The following KL variants were observed in gnomAD, a reference collection of about 807,000 sequenced individuals.
KL encodes the protein alpha-klotho.
A neutral mutation model predicts 84.2 loss-of-function variants in KL; 62 were observed. That is an observed-to-expected ratio of 0.74 (90% CI 0.60 to 0.91). The LOEUF is 0.91. KL is among the 40% of genes least tolerant of loss of function. The pLI is 0.00. For synonymous variants in KL, 528 were observed against 528.0 expected (o/e 1.00, Z 0.00); for missense variants, 1,261 against 1,305.7 (o/e 0.97, Z 0.53).
At position 33,055,080 on chromosome 13, in the gene KL, A is replaced by G. The variant is rs776038884; in HGVS notation, c.1364A>G (p.Tyr455Cys). The change falls in exon 3 of 5, where the codon TAT becomes TGT. Residue 455 changes from tyrosine to cysteine, a missense_variant. Tyr to Cys is a radical substitution (Grantham distance 194). Coordinates refer to ENST00000380099, the MANE Select transcript of KL (RefSeq NM_004795.4). The part of the protein sequence containing the change: ...IKLDGVDVIG[Y>C]TAWSLMDGFE... The stretch of plus-strand genomic sequence containing the variant: ...CTGGATGGGGTGGATGTCATCGGGT[A>G]TACCGCATGGTCCCTCATGGATGGT... 3.7e-6 allele frequency: 6 copies of G among 1,614,100 alleles called. No individual in the cohort carries two copies. The African/African-American group carries it at 8.0e-5, about 22-fold the overall frequency.
intron 1 of KL, among the ~76,000 whole-genome samples, chr13:33,023,177 G>A (rs1870637287): frequency 6.6e-6 from 1 of 152,162 alleles, no homozygotes; most frequent in Admixed American, 6.5e-5. Flanking sequence ...GAGGAGCCGG[G>A]TGCTCAGTGA....
chr13:33,051,177 A>G (rs1177151418), intron 1 of KL, among the ~76,000 whole-genome samples: 1 of 152,184 alleles, frequency 6.6e-6, no homozygotes, highest in Non-Finnish European at 1.5e-5. Flanking sequence ...AGTCCTCACA[A>G]CAGTCCTGTG....
At position 33,061,687 on chromosome 13, in the gene KL, A is replaced by T. The variant is rs1280476685; in HGVS notation, c.2608A>T (p.Ile870Leu). 1 of 1,614,102 alleles carries T rather than the reference A, an allele frequency of 6.2e-7. No individual in the cohort carries two copies. The highest frequency in any genetic ancestry group is 8.5e-7 in the Non-Finnish European group (1 of 1,179,934). The change falls in exon 4 of 5, where the codon ATA becomes TTA. Residue 870 changes from isoleucine to leucine, a missense_variant. By Grantham distance (5) the Ile-to-Leu change is conservative. Transcript: ENST00000380099. Reference sequence around the variant, plus strand: ...CAAGTACGGAGACCTCCCCATGTACATAATATCCAATGGAATCGATGACGG... The same window carrying T: ...CAAGTACGGAGACCTCCCCATGTACTTAATATCCAATGGAATCGATGACGG... ...KFKYGDLPMY[I>L]ISNGIDDGLH...
intron 1 of KL, among the ~76,000 whole-genome samples, chr13:33,035,045 A>G (rs989247770): frequency 1.3e-5 from 2 of 152,222 alleles, no homozygotes; most frequent in African/African-American, 4.8e-5. Context: ...AAAAACTTTG[A>G]CTTAACACCA....
chr13:33,028,246 T>TTA (rs1244737308), intron 1 of KL, among the ~76,000 whole-genome samples: 1 of 152,224 alleles, frequency 6.6e-6, no homozygotes, highest in African/African-American at 2.4e-5. Context: ...ACTGTGCTCC[T>TTA]TATAGCAGGA....
chr13:33,035,631 C>CT (rs1566501834), intron 1 of KL, among the ~76,000 whole-genome samples: 1 of 152,098 alleles, frequency 6.6e-6, no homozygotes, highest in Non-Finnish European at 1.5e-5. Context: ...TACCTGTTCC[C>CT]TCATGGTTCT....
chr13:33,035,971 ATAAATAAGCCC>A (rs1333657612), intron 1 of KL, among the ~76,000 whole-genome samples: 1 of 152,238 alleles, frequency 6.6e-6, no homozygotes, highest in African/African-American at 2.4e-5. Context: ...TTAAATACAA[ATAAATAAGCCC>A]TTTATTGTCA....
At position 33,041,963 on chromosome 13, in the gene KL, T is replaced by A. The variant is rs369774475; in HGVS notation, c.820-11804T>A. Among the ~76,000 whole-genome samples, 72 of 152,322 alleles carry A rather than the reference T, an allele frequency of 4.7e-4. 2 individuals are homozygous for A. In the East Asian group the frequency reaches 6.0e-3, roughly 13 times the overall value. ...TTGTTATCTCTCTTCTTCCCAAGAA[T>A]GTAAGCTCCATAAGAACAGGATCAT... On this transcript the variant is annotated intron_variant, in intron 1 of 4. Transcript: ENST00000380099.
chr13:33,038,671 C>G (rs1871227188), intron 1 of KL, among the ~76,000 whole-genome samples: 1 of 152,086 alleles, frequency 6.6e-6, no homozygotes, highest in Non-Finnish European at 1.5e-5. Context: ...ACATTTCTAA[C>G]AAATTTTTTC....
chr13:33,023,265 C>T (rs1336297258), intron 1 of KL, among the ~76,000 whole-genome samples: 1 of 152,120 alleles, frequency 6.6e-6, no homozygotes, highest in Non-Finnish European at 1.5e-5. Context: ...TGCCTAACTC[C>T]CAGGCATATT....
At chr13:33,056,636 A>G (rs1260237488) in intron 3 of KL, among the ~76,000 whole-genome samples, 1 of 36,684 alleles carries the variant, frequency 2.7e-5, no homozygotes, top group Non-Finnish European at 6.3e-5. Flanking sequence ...TCTACTAAAA[A>G]TACAAAAAAA....
At chr13:33,043,467 G>A (rs979031639) in intron 1 of KL, among the ~76,000 whole-genome samples, 2 of 152,062 alleles carry the variant, frequency 1.3e-5, no homozygotes, top group African/African-American at 2.4e-5. Flanking sequence ...TGATTCGCCC[G>A]CCTCAGCCTC....
rs550401902 is a variant in KL at position 33,064,555 on chromosome 13, C to G, written c.*369C>G. The stretch of plus-strand genomic sequence containing the variant: ...ACCCACTTCTAAATTTAATGTTTTT[C>G]TGGAAGTAGTAATTGCAAGAGTTCG... On this transcript the variant is annotated 3_prime_UTR_variant, in exon 5 of 5. Transcript: ENST00000380099. 1.5e-5 allele frequency: 4 copies of G among 270,844 alleles called. No individual in the cohort carries two copies. Among genetic ancestry groups the G allele is most frequent in the African/African-American group, 8.8e-5 (4 of 45,674 alleles). The allele number at this position is 270,844 out of a possible 1,614,324, so 16.8% of individuals were successfully genotyped here.
At chr13:33,018,944 A>C (rs1202585318) in intron 1 of KL, among the ~76,000 whole-genome samples, 4 of 152,220 alleles carry the variant, frequency 2.6e-5, no homozygotes, top group Middle Eastern at 3.2e-3. Context: ...TGTTTTAAAT[A>C]ATCAACATGT....
intron 1 of KL, among the ~76,000 whole-genome samples, chr13:33,034,300 A>G (rs1257683930): frequency 3.9e-5 from 6 of 152,192 alleles, no homozygotes; most frequent in Non-Finnish European, 5.9e-5. Flanking sequence ...CCATTCTCCT[A>G]TCCTCATTCT....
intron 3 of KL, 70 bp downstream of exon 3, chr13:33,055,385 T>C: frequency 6.3e-7 from 1 of 1,590,224 alleles, no homozygotes; most frequent in Non-Finnish European, 8.6e-7. Context: ...GCTTCCTTCC[T>C]AGGCTGATTG....
At chr13:33,057,277 C>T (rs551347707) in intron 3 of KL, among the ~76,000 whole-genome samples, 70 of 152,098 alleles carry the variant, frequency 4.6e-4, no homozygotes, top group Non-Finnish European at 7.8e-4. Context: ...GAATGCAGAA[C>T]AAGAGTGGGG....
At position 33,061,542 on chromosome 13, in the gene KL, A is replaced by G. The variant is rs1031777133; in HGVS notation, c.2463A>G (p.Pro821=). The change falls in exon 4 of 5, where the codon CCA becomes CCG. Residue 821 remains proline (P), a synonymous_variant. Coordinates refer to ENST00000380099, the MANE Select transcript of KL (RefSeq NM_004795.4). ...TTGTAGACTCAGAAAAAGAAGATCC[A>G]ATAAAATACAATGATTACCTAGAAG... ...TILVDSEKED[P]IKYNDYLEVQ... is the part of the protein sequence containing the mutation. 16 of 1,614,122 alleles carry G rather than the reference A, an allele frequency of 9.9e-6. No homozygotes were observed. The highest frequency in any genetic ancestry group is 1.3e-5 in the African/African-American group (1 of 74,938).
intron 1 of KL, among the ~76,000 whole-genome samples, chr13:33,029,158 G>A (rs989727494): frequency 2.0e-5 from 3 of 152,144 alleles, no homozygotes; most frequent in African/African-American, 7.2e-5. Flanking sequence ...AATTTTGCTA[G>A]TTATAGCACA....
Sources: allele counts gnomAD v4.1 joint callset (sites outside exome capture counted in the v4.1 genomes callset), GRCh38; gene constraint gnomAD v4.1.1; transcripts MANE v1.5; gene names NCBI Gene and HGNC (gene_info 2026-07-23, HGNC 2026-07-21).